The following STAG1 variants were observed in gnomAD, a reference collection of about 807,000 sequenced individuals.
STAG1 encodes the protein cohesin subunit SA-1.
STAG1 carries 26 observed loss-of-function variants against 170.9 expected under a neutral mutation model. That is an observed-to-expected ratio of 0.15 (90% CI 0.11 to 0.21). The LOEUF is 0.21. STAG1 is among the 10% of genes least tolerant of loss of function. The probability of loss-of-function intolerance (pLI) is 1.00; values close to 1 mark genes in which losing one functional copy is unlikely to be tolerated. For missense variants in STAG1, 964 were observed against 1,509.5 expected (o/e 0.64, Z 5.99); for synonymous variants, 514 against 497.7 (o/e 1.03, Z -0.44).
intron 10 of STAG1, among the ~76,000 whole-genome samples, chr3:136,474,455 T>C (rs1025774263): frequency 6.6e-6 from 1 of 152,170 alleles, no homozygotes; most frequent in African/African-American, 2.4e-5. Context: ...ATCGTAGGGA[T>C]TAAGTGCAGA....
At chr3:136,525,602 C>T (rs1034124378) in intron 6 of STAG1, among the ~76,000 whole-genome samples, 3 of 152,070 alleles carry the variant, frequency 2.0e-5, no homozygotes, top group Non-Finnish European at 2.9e-5. Flanking sequence ...TCCTTCAGTT[C>T]TGCTCTGATC....
At chr3:136,718,423 T>A (rs957086536) in intron 1 of STAG1, among the ~76,000 whole-genome samples, 1 of 152,200 alleles carries the variant, frequency 6.6e-6, no homozygotes, top group Non-Finnish European at 1.5e-5. Context: ...TGTCTTTAAG[T>A]GAAATTTTCA....
intron 3 of STAG1, among the ~76,000 whole-genome samples, chr3:136,608,797 C>CAAAAAAAAAAAAAAAAAAAAAAAAAA: frequency 1.3e-5 from 1 of 79,192 alleles, no homozygotes; most frequent in Non-Finnish European, 2.4e-5. Context: ...GACCCTATCT[C>CAAAAAAAAAAAAAAAAAAAAAAAAAA]AAAAAAAAAA....
chr3:136,674,177 G>GGGGGGGAA (rs1942064410), intron 1 of STAG1, among the ~76,000 whole-genome samples: 1 of 26,672 alleles, frequency 3.7e-5, no homozygotes, highest in African/African-American at 1.3e-4. Flanking sequence ...GAGGGAAGGA[G>GGGGGGGAA]GGAGGGAGGG....
chr3:136,519,907 A>C (rs903678829), intron 7 of STAG1, among the ~76,000 whole-genome samples: 1 of 152,120 alleles, frequency 6.6e-6, no homozygotes, highest in African/African-American at 2.4e-5. Flanking sequence ...GAAAAAAGAT[A>C]AAATTGGGTA....
intron 28 of STAG1, among the ~76,000 whole-genome samples, chr3:136,354,331 C>A (rs1220004880): frequency 6.6e-6 from 1 of 152,160 alleles, no homozygotes; most frequent in Non-Finnish European, 1.5e-5. Flanking sequence ...CGCACTCTAT[C>A]GTCCAGGGTG....
chr3:136,579,305 G>C (rs1443619844), intron 4 of STAG1, among the ~76,000 whole-genome samples: 3 of 152,196 alleles, frequency 2.0e-5, no homozygotes, highest in Non-Finnish European at 1.5e-5. Flanking sequence ...TTAGCACTAT[G>C]CTAGTTCTCC....
chr3:136,377,636 G>A, intron 23 of STAG1, 24 bp downstream of exon 23: 1 of 1,576,340 alleles, frequency 6.3e-7, no homozygotes. Context: ...ATTTTATTGA[G>A]AGCTCTTACT....
intron 26 of STAG1, among the ~76,000 whole-genome samples, chr3:136,363,125 A>G (rs183243960): frequency 6.6e-6 from 1 of 152,274 alleles, no homozygotes; most frequent in Non-Finnish European, 1.5e-5. Context: ...CATTTCATCT[A>G]GTCCAAGAAT....
chr3:136,723,027 G>C (rs1933393257), intron 1 of STAG1, among the ~76,000 whole-genome samples: 1 of 152,208 alleles, frequency 6.6e-6, no homozygotes, highest in Admixed American at 6.5e-5. Flanking sequence ...GCAGTGGCGT[G>C]ATCTCCGCTC....
chr3:136,534,166 T>C (rs1433753707), intron 6 of STAG1, among the ~76,000 whole-genome samples: 1 of 152,120 alleles, frequency 6.6e-6, no homozygotes, highest in African/African-American at 2.4e-5. Context: ...GATGGACACC[T>C]CCCTTCACTA....
intron 3 of STAG1, among the ~76,000 whole-genome samples, chr3:136,620,848 G>A (rs1406023736): frequency 6.6e-6 from 1 of 152,038 alleles, no homozygotes; most frequent in Admixed American, 6.6e-5. Flanking sequence ...ACTAGATTAT[G>A]TAGTAGTAAC....
intron 30 of STAG1, among the ~76,000 whole-genome samples, chr3:136,342,430 C>T (rs937554051): frequency 1.3e-5 from 2 of 151,128 alleles, no homozygotes; most frequent in African/African-American, 2.4e-5. Flanking sequence ...GTGCTGCTCT[C>T]ACCTCAGCCT....
chr3:136,736,921 A>G, intron 1 of STAG1: 8 of 1,589,702 alleles, frequency 5.0e-6, no homozygotes, highest in South Asian at 1.1e-5. Flanking sequence ...CTGATCTAGT[A>G]GCAACTTGTA....
intron 28 of STAG1, among the ~76,000 whole-genome samples, chr3:136,356,726 G>A (rs1936670659): frequency 6.6e-6 from 1 of 151,800 alleles, no homozygotes; most frequent in African/African-American, 2.4e-5. Flanking sequence ...ATTCATTATA[G>A]TATTATCCTC....
At chr3:136,445,049 G>T (rs1002944287) in intron 14 of STAG1, among the ~76,000 whole-genome samples, 1 of 146,860 alleles carries the variant, frequency 6.8e-6, no homozygotes. Context: ...TTGTAGAGAC[G>T]GGGTTACCAT....
intron 15 of STAG1, among the ~76,000 whole-genome samples, chr3:136,439,296 G>C (rs1315794948): frequency 1.3e-5 from 2 of 148,628 alleles, no homozygotes. Context: ...TTATGGTCTT[G>C]TTACCTGGTG....
chr3:136,665,808 G>T (rs370504075), intron 1 of STAG1, among the ~76,000 whole-genome samples: 38 of 147,156 alleles, frequency 2.6e-4, no homozygotes, highest in African/African-American at 9.5e-4. Context: ...AGGTACAGTG[G>T]CTCACACCTG....
chr3:136,692,166 T>C (rs1458919286), intron 1 of STAG1, among the ~76,000 whole-genome samples: 1 of 150,554 alleles, frequency 6.6e-6, no homozygotes, highest in Non-Finnish European at 1.5e-5. Context: ...ATAGAAAAAT[T>C]AGCCGGGCAT....
Sources: allele counts gnomAD v4.1 joint callset (sites outside exome capture counted in the v4.1 genomes callset), GRCh38; gene constraint gnomAD v4.1.1; transcripts MANE v1.5; gene names NCBI Gene and HGNC (gene_info 2026-07-23, HGNC 2026-07-21).